ADAMTS16: variants seen among roughly 807,000 people sequenced by gnomAD.
ADAMTS16 encodes the protein A disintegrin and metalloproteinase with thrombospondin motifs 16.
ADAMTS16 carries 94 observed loss-of-function variants against 145.8 expected under a neutral mutation model. That is an observed-to-expected ratio of 0.64 (90% CI 0.55 to 0.77). The LOEUF (loss-of-function observed/expected upper bound fraction) is 0.77, where lower values mean the gene tolerates loss of function less well. Ranked by LOEUF, ADAMTS16 falls within the 30% of genes least tolerant of loss-of-function variation. The probability of loss-of-function intolerance (pLI) is 0.00; values close to 1 mark genes in which losing one functional copy is unlikely to be tolerated. For synonymous variants in ADAMTS16, 659 were observed against 604.3 expected, an observed-to-expected ratio of 1.09 and a Z score of -1.33; for missense variants, 1,585 against 1,591.5, an observed-to-expected ratio of 1.00 and a Z score of 0.07.
Position 5,319,110 on chromosome 5 carries a change from G to T in ADAMTS16, c.3647G>T (p.Cys1216Phe). Reference protein sequence around the residue: ...CSHKFYGKQCCKTCSKSNL With the variant: ...CSHKFYGKQCFKTCSKSNL ...CACAAGTTCTACGGCAAGCAGTGCT[G>T]CAAGACTTGCTCTAAGTCCAACTTG... is the stretch of plus-strand genomic sequence containing the variant. Residue 1216 changes from cysteine to phenylalanine, a missense_variant, in exon 23 of 23, where the codon TGC becomes TTC. This residue lies in a region of ADAMTS16 where 834 missense variants were observed against 811.7 expected (regional missense o/e 1.03). Transcript: ENST00000274181. The T allele has an allele frequency of 6.2e-7, 1 of 1,612,358 alleles. No individual in the cohort carries two copies. Among genetic ancestry groups the T allele is most frequent in the Non-Finnish European group, 8.5e-7 (1 of 1,179,436 alleles).
At position 5,271,139 on chromosome 5, in the gene ADAMTS16, C is replaced by T. The variant is rs945487866; in HGVS notation, c.2789+8356C>T. ...AAACCTGCTGTGCTGGCTGGAGCCC[C>T]AGCCTCCTCCTCAGCACCCAGAGGC... is the stretch of plus-strand genomic sequence containing the variant. On this transcript the variant is annotated intron_variant, in intron 18 of 22. Coordinates refer to ENST00000274181, the MANE Select transcript of ADAMTS16 (RefSeq NM_139056.4). Among the ~76,000 whole-genome samples the T allele has an allele frequency of 2.0e-5, 3 of 152,248 alleles. 1 individual carries two copies. Among genetic ancestry groups the T allele is most frequent in the Admixed American group, 2.0e-4 (3 of 15,288 alleles).
intron 18 of ADAMTS16, among the ~76,000 whole-genome samples, chr5:5,272,377 T>TG (rs1364021869): frequency 2.0e-5 from 3 of 150,372 alleles, no homozygotes; most frequent in African/African-American, 7.3e-5. Flanking sequence ...TTTTTTTTTT[T>TG]TTGAGATGGA....
intron 18 of ADAMTS16, among the ~76,000 whole-genome samples, chr5:5,300,645 T>C (rs1361559128): frequency 6.6e-6 from 1 of 152,208 alleles, no homozygotes. Flanking sequence ...TTAAGTAATG[T>C]GGTGTGGCTA....
At chr5:5,314,637 A>T (rs1733961318) in intron 21 of ADAMTS16, among the ~76,000 whole-genome samples, 1 of 152,164 alleles carries the variant, frequency 6.6e-6, no homozygotes, top group Non-Finnish European at 1.5e-5. Context: ...TCTTTCTTTC[A>T]TCTTACATAA....
chr5:5,241,843 C>CAA (rs10634612), intron 16 of ADAMTS16, among the ~76,000 whole-genome samples: 152,072 of 152,326 alleles, frequency 1, 75,911 homozygotes, highest in Middle Eastern at 1. Flanking sequence ...GGAGAAGGTA[C>CAA]AGTCTAGACA....
intron 8 of ADAMTS16, 107 bp downstream of exon 8, chr5:5,191,897 A>G: frequency 1.3e-6 from 1 of 775,848 alleles, no homozygotes; most frequent in South Asian, 1.7e-5. Flanking sequence ...GAATTCACAT[A>G]TATCCAACGA....
At chr5:5,265,331 G>A (rs1738196306) in intron 18 of ADAMTS16, among the ~76,000 whole-genome samples, 2 of 152,204 alleles carry the variant, frequency 1.3e-5, no homozygotes, top group Admixed American at 1.3e-4. Flanking sequence ...CATTTTACAG[G>A]GAGAATAGAA....
intron 5 of ADAMTS16, among the ~76,000 whole-genome samples, chr5:5,187,061 C>T (rs537693373): frequency 6.6e-6 from 1 of 152,214 alleles, no homozygotes; most frequent in East Asian, 1.9e-4. Context: ...GCCACCTTCC[C>T]GCTGCACGGG....
chr5:5,200,101 A>T, intron 8 of ADAMTS16, 31 bp from the exon 9 acceptor site: 1 of 1,471,072 alleles, frequency 6.8e-7, no homozygotes, highest in South Asian at 1.2e-5. Flanking sequence ...TTGTTCTGAA[A>T]GAACCATCTC....
At chr5:5,197,297 T>C (rs758052552) in intron 8 of ADAMTS16, among the ~76,000 whole-genome samples, 1 of 152,142 alleles carries the variant, frequency 6.6e-6, no homozygotes, top group Non-Finnish European at 1.5e-5. Context: ...ATTGAATCAC[T>C]CAAAAAATAT....
At chr5:5,250,298 A>G (rs1737582080) in intron 17 of ADAMTS16, among the ~76,000 whole-genome samples, 1 of 152,174 alleles carries the variant, frequency 6.6e-6, no homozygotes, top group Non-Finnish European at 1.5e-5. Flanking sequence ...ATTTAGGGAG[A>G]AATCCTATAG....
chr5:5,304,736 A>G (rs1312792943), intron 20 of ADAMTS16, among the ~76,000 whole-genome samples: 1 of 152,058 alleles, frequency 6.6e-6, no homozygotes, highest in East Asian at 1.9e-4. Flanking sequence ...CGCTTAAGTG[A>G]GCTTGCCATT....
intron 6 of ADAMTS16, among the ~76,000 whole-genome samples, chr5:5,189,067 G>GT (rs1160403016): frequency 5.3e-5 from 8 of 152,168 alleles, no homozygotes; most frequent in Admixed American, 2.0e-4. Context: ...TTGACTTTCT[G>GT]TAAAAACAAC....
At position 5,140,512 on chromosome 5, in the gene ADAMTS16, G is replaced by T. The variant is rs776932340; in HGVS notation, c.45G>T (p.Trp15Cys). The T allele has an allele frequency of 6.6e-7, 1 of 1,519,876 alleles. No homozygotes were observed. Among genetic ancestry groups the T allele is most frequent in the Non-Finnish European group, 8.7e-7 (1 of 1,144,190 alleles). The allele number at this position is 1,519,876 out of a possible 1,614,324, so 94.1% of individuals were successfully genotyped here. A position where few individuals can be genotyped will look rare whatever the true frequency, so the allele number is the denominator to read the frequency against. Residue 15 changes from tryptophan (W) to cysteine (C), a missense_variant, in exon 1 of 23, where the codon TGG becomes TGT. By Grantham distance (215) the Trp-to-Cys change is radical. This residue lies in a region of ADAMTS16 where 453 missense variants were observed against 412.1 expected (regional missense o/e 1.10). Coordinates refer to ENST00000274181, the MANE Select transcript of ADAMTS16 (RefSeq NM_139056.4). ...GATGGCGGGGCTTGGCGGCGCTGTGGATGCTGTTGGCGCAGGTGGCCGAGC... is the reference window on the plus strand; with the variant it reads ...GATGGCGGGGCTTGGCGGCGCTGTGTATGCTGTTGGCGCAGGTGGCCGAGC... ...ARGWRGLAAL[W>C]MLLAQVAEQA...
At chr5:5,265,067 G>A (rs2913660) in intron 18 of ADAMTS16, among the ~76,000 whole-genome samples, 42,621 of 152,106 alleles carry the variant, frequency 0.28, 6,040 homozygotes, top group East Asian at 0.37. Flanking sequence ...CACACCAAAT[G>A]CAGACACACC....
intron 18 of ADAMTS16, among the ~76,000 whole-genome samples, chr5:5,272,761 A>C (rs1014726836): frequency 2.0e-5 from 3 of 152,176 alleles, no homozygotes; most frequent in African/African-American, 7.2e-5. Context: ...TTCTGTGTCA[A>C]CATGGCTTTC....
intron 18 of ADAMTS16, among the ~76,000 whole-genome samples, chr5:5,272,073 G>T (rs1738501350): frequency 6.6e-6 from 1 of 152,064 alleles, no homozygotes; most frequent in Non-Finnish European, 1.5e-5. Flanking sequence ...ATCTCTTTTC[G>T]ATCTGAGGCC....
intron 17 of ADAMTS16, among the ~76,000 whole-genome samples, chr5:5,252,149 G>C (rs1325668494): frequency 6.6e-6 from 1 of 152,096 alleles, no homozygotes; most frequent in Admixed American, 6.5e-5. Context: ...GTGCCTGGCC[G>C]TCGGTGCTTT....
chr5:5,207,694 A>G (rs1283386686), intron 9 of ADAMTS16, among the ~76,000 whole-genome samples: 1 of 144,166 alleles, frequency 6.9e-6, no homozygotes, highest in Non-Finnish European at 1.5e-5. Flanking sequence ...GTTCTCCTCT[A>G]TTCCTAGTTT....
Sources: allele counts gnomAD v4.1 joint callset (sites outside exome capture counted in the v4.1 genomes callset), GRCh38; gene constraint gnomAD v4.1.1; regional missense constraint gnomAD v4.1.1; transcripts MANE v1.5; gene names NCBI Gene and HGNC (gene_info 2026-07-23, HGNC 2026-07-21).